Variants in VPS37A observed in about 807,000 individuals in gnomAD.
The protein encoded by VPS37A is vacuolar protein sorting-associated protein 37A.
A neutral mutation model predicts 49.8 loss-of-function variants in VPS37A; 30 were observed. That is an observed-to-expected ratio of 0.60 (90% confidence interval 0.45 to 0.82). The LOEUF (loss-of-function observed/expected upper bound fraction) is 0.82. Ranked by LOEUF, VPS37A falls within the 40% of genes least tolerant of loss-of-function variation. The pLI is 0.00. For synonymous variants in VPS37A, 195 were observed against 160.6 expected, an observed-to-expected ratio of 1.21 and a Z score of -1.62; for missense variants, 593 against 464.4, an observed-to-expected ratio of 1.28 and a Z score of -2.55.
intron 1 of VPS37A, among the ~76,000 whole-genome samples, chr8:17,249,527 C>T (rs549810932): frequency 6.6e-6 from 1 of 152,288 alleles, no homozygotes; most frequent in African/African-American, 2.4e-5. Flanking sequence ...ACAAATTATA[C>T]TCGAATAATT....
chr8:17,302,182 A>G, downstream of VPS37A: 1 of 1,614,128 alleles, frequency 6.2e-7, no homozygotes, highest in Non-Finnish European at 8.5e-7. Flanking sequence ...TTCTTCCTCT[A>G]GCTGCTGAGT....
chr8:17,284,443 A>G, intron 9 of VPS37A, 30 bp from the exon 10 acceptor site: 1 of 1,547,530 alleles, frequency 6.5e-7, no homozygotes, highest in Non-Finnish European at 8.6e-7. Flanking sequence ...AGTATCATAA[A>G]TTAAAGTAGT....
intron 11 of VPS37A, 35 bp downstream of exon 11, chr8:17,286,462 T>C (rs1047320284): frequency 6.3e-7 from 1 of 1,580,500 alleles, no homozygotes; most frequent in Non-Finnish European, 8.7e-7. Context: ...CTCAAGGTGA[T>C]TGCATCAGTG....
At chr8:17,314,106 A>G in the VPS37A span, among the ~76,000 whole-genome samples, 99 of 152,270 alleles carry the variant, frequency 6.5e-4, 1 homozygote, top group African/African-American at 2.3e-3. Flanking sequence ...TAAACCACCA[A>G]CTTTCACCTC....
At chr8:17,288,389 A>G (rs77435849) in intron 11 of VPS37A, among the ~76,000 whole-genome samples, 33 of 152,154 alleles carry the variant, frequency 2.2e-4, no homozygotes, top group African/African-American at 8.0e-4. Context: ...ACTCCCCAAC[A>G]GGCTCCAGTG....
intron 11 of VPS37A, 97 bp downstream of exon 11, chr8:17,286,524 A>G: frequency 3.0e-6 from 3 of 1,006,056 alleles, no homozygotes; most frequent in Non-Finnish European, 3.0e-6. Context: ...CCTTAAGCAT[A>G]ATTCTGTCAT....
chr8:17,264,888 A>G (rs1166483518), intron 1 of VPS37A, among the ~76,000 whole-genome samples: 1 of 152,192 alleles, frequency 6.6e-6, no homozygotes, highest in African/African-American at 2.4e-5. Flanking sequence ...TGCTTAGTGT[A>G]TTATAGTTGT....
intron 1 of VPS37A, among the ~76,000 whole-genome samples, chr8:17,257,579 T>C (rs995843073): frequency 6.6e-6 from 1 of 152,176 alleles, no homozygotes; most frequent in African/African-American, 2.4e-5. Flanking sequence ...GGCACGTGTA[T>C]ACCTATGTAA....
intron 11 of VPS37A, among the ~76,000 whole-genome samples, chr8:17,294,355 A>G (rs566630726): frequency 6.6e-6 from 1 of 152,256 alleles, no homozygotes; most frequent in African/African-American, 2.4e-5. Context: ...CTGGCGGTGA[A>G]AATTTCAAGC....
At position 17,274,896 on chromosome 8, in the gene VPS37A, C is replaced by T; in HGVS notation, c.580C>T (p.Pro194Ser). The change falls in exon 5 of 12, where the codon CCT becomes TCT. Residue 194 changes from proline (P) to serine (S), a missense_variant. Transcript: ENST00000324849. Reference sequence around the variant, plus strand: ...TCATACCACAGCCAAGCCTGCCGCTCCTTCATTTGGTGTCCTTTCAAATCT... The same window carrying T: ...TCATACCACAGCCAAGCCTGCCGCTTCTTCATTTGGTGTCCTTTCAAATCT... The part of the protein sequence containing the change: ...TSHTTAKPAA[P>S]SFGVLSNLPL... 1 of 1,614,162 alleles carries T rather than the reference C, an allele frequency of 6.2e-7. No individual in the cohort carries two copies. The highest frequency in any genetic ancestry group is 1.3e-5 in the African/African-American group (1 of 75,040).
chr8:17,330,630 T>C, the VPS37A span, among the ~76,000 whole-genome samples: 1 of 152,216 alleles, frequency 6.6e-6, no homozygotes, highest in South Asian at 2.1e-4. Context: ...GTACGTGTCT[T>C]GTCATGTTCG....
intron 6 of VPS37A, among the ~76,000 whole-genome samples, chr8:17,278,275 A>G (rs1041580011): frequency 6.6e-6 from 1 of 152,106 alleles, no homozygotes; most frequent in Non-Finnish European, 1.5e-5. Context: ...AGCACCTGAA[A>G]TCATTGACCA....
At chr8:17,331,581 G>T in the VPS37A span, among the ~76,000 whole-genome samples, 1 of 152,186 alleles carries the variant, frequency 6.6e-6, no homozygotes, top group African/African-American at 2.4e-5. Flanking sequence ...ATGCCAAACT[G>T]AATGTGGAAT....
chr8:17,262,985 C>T (rs372525197), intron 1 of VPS37A, among the ~76,000 whole-genome samples: 1 of 150,072 alleles, frequency 6.7e-6, no homozygotes, highest in East Asian at 1.9e-4. Flanking sequence ...CGGTTGAACC[C>T]GGGAGGCAGA....
At chr8:17,253,144 C>G (rs780122399) in intron 1 of VPS37A, among the ~76,000 whole-genome samples, 1 of 152,146 alleles carries the variant, frequency 6.6e-6, no homozygotes, top group Non-Finnish European at 1.5e-5. Context: ...ATAAGGCAGT[C>G]ATTTCTCCAT....
chr8:17,304,614 T>A, downstream of VPS37A: 1 of 1,365,806 alleles, frequency 7.3e-7, no homozygotes, highest in Non-Finnish European at 1.0e-6. Context: ...TAATAATTGT[T>A]ACCTGAAAAC....
At chr8:17,298,320 A>G (rs1816873159), downstream of VPS37A, 1 of 152,106 alleles carries the variant, frequency 6.6e-6, no homozygotes, top group Admixed American at 6.5e-5. Flanking sequence ...CCCAAATTTT[A>G]TATTCTGAAA....
downstream of VPS37A, chr8:17,302,187 C>T (rs780026835): frequency 3.1e-6 from 5 of 1,614,032 alleles, no homozygotes; most frequent in South Asian, 3.3e-5. Context: ...CCTCTAGCTG[C>T]TGAGTTTCTT....
intron 5 of VPS37A, 61 bp from the exon 6 acceptor site, chr8:17,276,336 G>A (rs1814508863): frequency 7.6e-7 from 1 of 1,315,894 alleles, no homozygotes; most frequent in Non-Finnish European, 1.1e-6. Flanking sequence ...ACGTTTATTA[G>A]TAATTGAGAG....
Sources: gnomAD v4.1 joint callset for allele counts (sites outside exome capture counted in the v4.1 genomes callset) on GRCh38, gnomAD v4.1.1 for gene constraint, MANE v1.5 for transcripts, NCBI Gene and HGNC (gene_info 2026-07-23, HGNC 2026-07-21) for gene names.